C8orf88: variants seen among roughly 807,000 people sequenced by gnomAD.
C8orf88 encodes the protein uncharacterized protein C8orf88.
In C8orf88, 14 loss-of-function variants were observed where a neutral mutation model predicts 18.4. That is an observed-to-expected ratio of 0.76 (90% CI 0.50 to 1.19). The LOEUF is 1.19. C8orf88 is among the 50% of genes most tolerant of loss of function. The pLI, the probability that C8orf88 is intolerant of heterozygous loss-of-function variation, is 0.00. For synonymous variants in C8orf88, 45 were observed against 42.9 expected, an observed-to-expected ratio of 1.05 and a Z score of -0.19; for missense variants, 116 against 134.7, an observed-to-expected ratio of 0.86 and a Z score of 0.69.
chr8:90,960,201 G>C (rs927204092), intron 5 of C8orf88, among the ~76,000 whole-genome samples: 1 of 151,384 alleles, frequency 6.6e-6, no homozygotes, highest in African/African-American at 2.4e-5. Context: ...ATTTGATAAG[G>C]TAACACAGAA....
chr8:90,980,480 C>G lies in C8orf88; in HGVS notation c.-26-19G>C. On this transcript the variant is annotated intron_variant, in intron 1 of 5. Coordinates refer to ENST00000517562, the MANE Select transcript of C8orf88 (RefSeq NM_001190972.2). ...TTCCATACTAGAAGACAAAAAAATA[C>G]ATTTTTATCTTTTGGACAAAATAAT... 1 of 1,142,934 alleles carries G rather than the reference C, an allele frequency of 8.7e-7. No individual in the cohort carries two copies. Among genetic ancestry groups the G allele is most frequent in the African/African-American group, 1.6e-5 (1 of 63,414 alleles). 70.8% of individuals were successfully genotyped at this position (1,142,934 alleles called of 1,614,324 possible). A position where few individuals can be genotyped will look rare whatever the true frequency, so the allele number is the denominator to read the frequency against.
chr8:90,984,656 G>A (rs1254333010), intron 1 of C8orf88, among the ~76,000 whole-genome samples: 6 of 152,040 alleles, frequency 3.9e-5, no homozygotes, highest in Admixed American at 3.9e-4. Context: ...CAGGTAATAG[G>A]TGTCTGTGAT....
intron 3 of C8orf88, among the ~76,000 whole-genome samples, chr8:90,975,856 C>G (rs915838210): frequency 2.0e-5 from 3 of 150,980 alleles, no homozygotes; most frequent in African/African-American, 7.3e-5. Flanking sequence ...TATCTAAAAA[C>G]TAGATACAAT....
At chr8:90,980,546 T>A (rs1811418034) in intron 1 of C8orf88, 85 bp from the exon 2 acceptor site, 1 of 541,646 alleles carries the variant, frequency 1.8e-6, no homozygotes, top group African/African-American at 2.0e-5. Context: ...CATCTTTTTT[T>A]AAGATGCCTA....
intron 3 of C8orf88, among the ~76,000 whole-genome samples, chr8:90,977,409 A>C (rs761022135): frequency 6.6e-6 from 1 of 152,142 alleles, no homozygotes; most frequent in Non-Finnish European, 1.5e-5. Flanking sequence ...GCCACAGAAA[A>C]CTTCTCAAAC....
chr8:90,966,968 C>T (rs896757555), intron 4 of C8orf88, among the ~76,000 whole-genome samples: 6 of 151,910 alleles, frequency 3.9e-5, no homozygotes, highest in African/African-American at 9.7e-5. Context: ...AATTGGGGAA[C>T]ATCTGTATAG....
chr8:90,976,074 A>G (rs1207294254), intron 3 of C8orf88, among the ~76,000 whole-genome samples: 1 of 152,110 alleles, frequency 6.6e-6, no homozygotes, highest in African/African-American at 2.4e-5. Flanking sequence ...TAACTTATCT[A>G]TCATTAAAAG....
chr8:90,969,734 G>A (rs1811257490), intron 4 of C8orf88, among the ~76,000 whole-genome samples: 1 of 151,834 alleles, frequency 6.6e-6, no homozygotes, highest in Non-Finnish European at 1.5e-5. Flanking sequence ...CAACAATTGT[G>A]AATGTACTAA....
intron 3 of C8orf88, 107 bp downstream of exon 3, chr8:90,978,472 A>C (rs1811384872): frequency 2.0e-6 from 1 of 511,498 alleles, no homozygotes; most frequent in Non-Finnish European, 3.2e-6. Flanking sequence ...TATGTACATA[A>C]ATTTTTATAA....
chr8:90,968,662 A>ATG (rs1554579820), intron 4 of C8orf88, among the ~76,000 whole-genome samples: 3 of 115,230 alleles, frequency 2.6e-5, no homozygotes, highest in Non-Finnish European at 5.4e-5. Context: ...GACAACATAT[A>ATG]TATATATATA....
At chr8:90,976,308 T>C (rs1225349459) in intron 3 of C8orf88, among the ~76,000 whole-genome samples, 3 of 152,154 alleles carry the variant, frequency 2.0e-5, no homozygotes, top group Non-Finnish European at 4.4e-5. Context: ...TTTGAAAATA[T>C]ATCAAGTATC....
At chr8:90,976,282 C>T (rs73299920) in intron 3 of C8orf88, among the ~76,000 whole-genome samples, 16,538 of 151,982 alleles carry the variant, frequency 0.11, 1,062 homozygotes, top group African/African-American at 0.19. Context: ...GTAAATTATA[C>T]CTCAATAAAG....
intron 3 of C8orf88, among the ~76,000 whole-genome samples, chr8:90,971,381 T>A (rs1811281078): frequency 6.6e-6 from 1 of 152,000 alleles, no homozygotes. Context: ...AATATAAAAC[T>A]AAAGATGAAT....
intron 4 of C8orf88, among the ~76,000 whole-genome samples, chr8:90,964,774 T>A (rs900873917): frequency 4.0e-5 from 6 of 151,582 alleles, no homozygotes; most frequent in Admixed American, 4.0e-4. Flanking sequence ...TAGAAATATA[T>A]ATAGGAGCAA....
rs1003872528 is a variant in C8orf88 at position 90,963,555 on chromosome 8, A to G, written c.224-2707T>C. Among the ~76,000 whole-genome samples, 5 of 151,906 alleles carry G rather than the reference A, an allele frequency of 3.3e-5. No homozygotes were observed. In the East Asian group the frequency reaches 9.7e-4, roughly 29 times the overall value. On this transcript the variant is annotated intron_variant, in intron 4 of 5. Transcript: ENST00000517562. ...TCAATATACTATTTTAAATATGCTC[A>G]AAGAGCTAAAGAAAATTATGAGAAG... is the stretch of plus-strand genomic sequence containing the variant.
chr8:90,965,146 T>C (rs1228268579), intron 4 of C8orf88, among the ~76,000 whole-genome samples: 2 of 151,544 alleles, frequency 1.3e-5, no homozygotes, highest in African/African-American at 4.8e-5. Flanking sequence ...TCATTTTGGA[T>C]CCAATGACAA....
At chr8:90,975,764 T>G (rs1225375792) in intron 3 of C8orf88, among the ~76,000 whole-genome samples, 1 of 152,062 alleles carries the variant, frequency 6.6e-6, no homozygotes, top group Non-Finnish European at 1.5e-5. Context: ...TACTATATGA[T>G]CTATCAATTC....
chr8:90,963,298 G>A (rs1216511215), intron 4 of C8orf88, among the ~76,000 whole-genome samples: 1 of 151,590 alleles, frequency 6.6e-6, no homozygotes, highest in African/African-American at 2.4e-5. Context: ...AAGTCACTAA[G>A]CTAACAACAA....
chr8:90,972,695 A>G (rs1004311676), intron 3 of C8orf88, among the ~76,000 whole-genome samples: 1 of 152,134 alleles, frequency 6.6e-6, no homozygotes, highest in African/African-American at 2.4e-5. Flanking sequence ...TCACTATGTT[A>G]TAGGTAAGGA....
Sources: allele counts gnomAD v4.1 joint callset (sites outside exome capture counted in the v4.1 genomes callset), GRCh38; gene constraint gnomAD v4.1.1; transcripts MANE v1.5; gene names NCBI Gene and HGNC (gene_info 2026-07-23, HGNC 2026-07-21).